Variants in STAB2 observed in about 807,000 individuals in gnomAD.
STAB2 encodes stabilin-2.
A neutral mutation model predicts 338.1 loss-of-function variants in STAB2; 288 were observed. The ratio of observed to expected loss-of-function variants is 0.85; its 90% CI spans 0.77 to 0.94. The LOEUF is 0.94. Among genes scored for constraint, STAB2 ranks in the 40% least tolerant of loss-of-function variants. STAB2 has a pLI of 0.00. For synonymous variants in STAB2, 1,202 were observed against 1,193.3 expected, an observed-to-expected ratio of 1.01 and a Z score of -0.15; for missense variants, 3,141 against 3,210.1, an observed-to-expected ratio of 0.98 and a Z score of 0.52.
intron 38 of STAB2, 124 bp downstream of exon 38, chr12:103,707,111 C>A (rs1879437551): frequency 2.1e-6 from 2 of 964,078 alleles, no homozygotes; most frequent in South Asian, 1.7e-5. Context: ...TGGAATCCCA[C>A]CTGCTACTAT....
chr12:103,590,736 T>G (rs1956783123), intron 1 of STAB2, among the ~76,000 whole-genome samples, 161 bp from the exon 2 acceptor site: 2 of 152,116 alleles, frequency 1.3e-5, no homozygotes, highest in South Asian at 4.1e-4. Flanking sequence ...CCAGATAAGA[T>G]TGAAAGGAGC....
At chr12:103,688,440 T>C (rs1279201919) in intron 28 of STAB2, among the ~76,000 whole-genome samples, 5 of 152,178 alleles carry the variant, frequency 3.3e-5, no homozygotes, top group Admixed American at 6.5e-5. Flanking sequence ...GATCAGAGGT[T>C]TGCTCTGAGC....
Position 103,761,494 on chromosome 12 carries a change from GTCC to G in STAB2, c.7359+91_7359+93del, listed in dbSNP as rs981226701. ...CAGGCAAACCATTACCAGAAGCCCT[GTCC>G]TCCTCCCTCTTCCTCCAGAGACTGG... On this transcript the variant is annotated intron_variant, in intron 66 of 68. Coordinates refer to ENST00000388887, the MANE Select transcript of STAB2 (RefSeq NM_017564.10). 7.3e-6 allele frequency: 9 copies of G among 1,234,996 alleles called. No individual in the cohort carries two copies. In the Admixed American group the frequency reaches 7.4e-5, roughly 10 times the overall value. 76.5% of individuals were successfully genotyped at this position (1,234,996 alleles called of 1,614,324 possible).
chr12:103,684,297 A>T (rs1191573289), intron 26 of STAB2, among the ~76,000 whole-genome samples: 1 of 152,214 alleles, frequency 6.6e-6, no homozygotes, highest in East Asian at 1.9e-4. Context: ...TCTACATATG[A>T]GTCCGTCAAT....
intron 44 of STAB2, 148 bp downstream of exon 44, chr12:103,717,989 C>T (rs1880464742): frequency 7.8e-6 from 6 of 769,620 alleles, no homozygotes; most frequent in Admixed American, 2.4e-5. Context: ...CTCTGGCACA[C>T]TCCATTGTAA....
At chr12:103,737,803 T>C (rs777050737) in intron 53 of STAB2, 23 bp downstream of exon 53, 1 of 1,613,112 alleles carries the variant, frequency 6.2e-7, no homozygotes, top group Admixed American at 1.7e-5. Context: ...AACAACAGTG[T>C]AGTAAGAGAA....
At position 103,692,974 on chromosome 12, in the gene STAB2, A is replaced by G. The variant is rs577804854; in HGVS notation, c.3375+85A>G. 13 of 1,099,618 alleles carry G rather than the reference A, an allele frequency of 1.2e-5. No homozygotes were observed. In the African/African-American group the frequency reaches 1.9e-4, roughly 16 times the overall value. The allele number at this position is 1,099,618 out of a possible 1,614,324, so 68.1% of individuals were successfully genotyped here. ...CTATACAGCATTTTTTTTTTTAAAT[A>G]GAAAAATACTTAGCCTTATATGGAA... On this transcript the variant is annotated intron_variant, in intron 31 of 68. Transcript: ENST00000388887.
chr12:103,679,068 C>T (rs1876655604), intron 25 of STAB2, among the ~76,000 whole-genome samples: 1 of 152,212 alleles, frequency 6.6e-6, no homozygotes, highest in Non-Finnish European at 1.5e-5. Context: ...GAGACCCCCA[C>T]AGGGGGTTAA....
chr12:103,685,453 T>C (rs111401813), intron 27 of STAB2, among the ~76,000 whole-genome samples: 8,151 of 113,702 alleles, frequency 0.072, 272 homozygotes, highest in Middle Eastern at 0.13. Flanking sequence ...TGTGTGTGTG[T>C]GCGCGTGCGT....
chr12:103,706,893 G>A lies in STAB2; in HGVS notation c.4098G>A (p.Val1366=). 1 of 1,614,254 alleles carries A rather than the reference G, an allele frequency of 6.2e-7. No homozygotes were observed. Among genetic ancestry groups the A allele is most frequent in the Non-Finnish European group, 8.5e-7 (1 of 1,180,048 alleles). Reference sequence around the variant, plus strand: ...GTAATGGCATCTGTTTGGATGGAGTGAATGGCACAGGTGTGTGTGAGTGTG... The same window carrying A: ...GTAATGGCATCTGTTTGGATGGAGTAAATGGCACAGGTGTGTGTGAGTGTG... ...CFGNGICLDG[V]NGTGVCECGE... is the part of the protein sequence containing the mutation. Residue 1366 remains valine, a synonymous_variant, in exon 38 of 69, where the codon GTG becomes GTA. Coordinates refer to ENST00000388887, the MANE Select transcript of STAB2 (RefSeq NM_017564.10).
At chr12:103,736,555 A>G (rs1882139316) in intron 52 of STAB2, among the ~76,000 whole-genome samples, 1 of 152,106 alleles carries the variant, frequency 6.6e-6, no homozygotes, top group Non-Finnish European at 1.5e-5. Context: ...ATAGACAACT[A>G]TCAGAGAAGG....
chr12:103,638,218 C>A lies in STAB2; in HGVS notation c.906+6C>A, dbSNP rs192690682. 2.8e-3 allele frequency: 4,445 copies of A among 1,610,472 alleles called. 17 individuals carry two copies. The highest frequency in any genetic ancestry group is 3.4e-3 in the Non-Finnish European group (4,010 of 1,177,970). On this transcript the variant is annotated splice_donor_region_variant and intron_variant, in intron 8 of 68. Coordinates refer to ENST00000388887, the MANE Select transcript of STAB2 (RefSeq NM_017564.10). ...AATATGATGGGCCTGGACAGGTGAGCAAATGATGCAGGGAACTGATGTATC... is the reference window on the plus strand; with the variant it reads ...AATATGATGGGCCTGGACAGGTGAGAAAATGATGCAGGGAACTGATGTATC...
chr12:103,753,124 G>A (rs751071185), intron 60 of STAB2, 96 bp from the exon 61 acceptor site: 2 of 1,511,650 alleles, frequency 1.3e-6, no homozygotes, highest in Non-Finnish European at 1.8e-6. Context: ...CTGGGGTATA[G>A]CTGGCCTTCA....
At chr12:103,748,119 T>C (rs58512206) in intron 58 of STAB2, among the ~76,000 whole-genome samples, 2 of 152,150 alleles carry the variant, frequency 1.3e-5, no homozygotes, top group Non-Finnish European at 2.9e-5. Flanking sequence ...CACAGAGATA[T>C]ATACTTTCTT....
At chr12:103,742,939 C>G (rs780607309) in intron 56 of STAB2, among the ~76,000 whole-genome samples, 5 of 152,010 alleles carry the variant, frequency 3.3e-5, no homozygotes, top group Non-Finnish European at 7.4e-5. Context: ...GAGATAGGTA[C>G]TGTTATTATC....
At chr12:103,630,856 C>A (rs140853942) in intron 5 of STAB2, among the ~76,000 whole-genome samples, 1 of 152,320 alleles carries the variant, frequency 6.6e-6, no homozygotes, top group African/African-American at 2.4e-5. Context: ...TTTTGGACTT[C>A]TCACCTCCAG....
In STAB2 at chr12:103,669,598, T is replaced by C. The variant is rs776629925; in HGVS notation, c.2230T>C (p.Phe744Leu). ...TGACTGCAACCAGTGTCCAGGAGGCTTCTCAAATCCATGCTCAGGAAATGG... is the reference window on the plus strand; with the variant it reads ...TGACTGCAACCAGTGTCCAGGAGGCCTCTCAAATCCATGCTCAGGAAATGG... ...GPDCNQCPGG[F>L]SNPCSGNGQC... is the part of the protein sequence containing the mutation. The change falls in exon 21 of 69, where the codon TTC becomes CTC. Residue 744 changes from phenylalanine to leucine, a missense_variant. Coordinates refer to ENST00000388887, the MANE Select transcript of STAB2 (RefSeq NM_017564.10). 6.2e-7 allele frequency: 1 copy of C among 1,614,226 alleles called. No individual in the cohort carries two copies. Among genetic ancestry groups the C allele is most frequent in the East Asian group, 2.2e-5 (1 of 44,888 alleles).
chr12:103,723,404 A>G (rs1880924206), intron 44 of STAB2, among the ~76,000 whole-genome samples: 1 of 152,216 alleles, frequency 6.6e-6, no homozygotes, highest in South Asian at 2.1e-4. Flanking sequence ...AGATTCATTC[A>G]CTATTACAAG....
At chr12:103,758,025 C>A in intron 63 of STAB2, 145 bp from the exon 64 acceptor site, 2 of 1,209,592 alleles carry the variant, frequency 1.7e-6, no homozygotes, top group Admixed American at 2.3e-5. Flanking sequence ...ACGGCGCAGG[C>A]AGAAGACACA....
Sources: allele counts gnomAD v4.1 joint callset (sites outside exome capture counted in the v4.1 genomes callset), GRCh38; gene constraint gnomAD v4.1.1; transcripts MANE v1.5; gene names NCBI Gene and HGNC (gene_info 2026-07-23, HGNC 2026-07-21).